Variants in SWT1 observed in about 807,000 individuals in gnomAD.
SWT1 encodes SWT1 RNA endoribonuclease homolog.
SWT1 carries 33 observed loss-of-function variants against 107.3 expected under a neutral mutation model. That is an observed-to-expected ratio of 0.31 (90% CI 0.23 to 0.41). The LOEUF (loss-of-function observed/expected upper bound fraction) is 0.41, where lower values mean the gene tolerates loss of function less well. SWT1 is among the 10% of genes least tolerant of loss of function. The pLI, the probability that SWT1 is intolerant of heterozygous loss-of-function variation, is 1.00. For synonymous variants in SWT1, 345 were observed against 348.3 expected (o/e 0.99, Z 0.11); for missense variants, 898 against 1,028.9 (o/e 0.87, Z 1.74).
chr1:185,166,762 T>A, intron 3 of SWT1, 110 bp downstream of exon 3: 1 of 689,424 alleles, frequency 1.5e-6, no homozygotes, highest in East Asian at 2.6e-5. Flanking sequence ...AGAAAGTCAG[T>A]GTTGTTTTCT....
intron 9 of SWT1, among the ~76,000 whole-genome samples, chr1:185,188,390 A>G (rs940676707): frequency 2.6e-5 from 4 of 152,212 alleles, no homozygotes; most frequent in African/African-American, 7.2e-5. Context: ...GTTTAAAGTT[A>G]ACTAATGATT....
At chr1:185,265,806 A>G (rs1167516014) in intron 16 of SWT1, among the ~76,000 whole-genome samples, 2 of 152,228 alleles carry the variant, frequency 1.3e-5, no homozygotes, top group Non-Finnish European at 2.9e-5. Context: ...GTGGTTCATA[A>G]TATTTAAACC....
chr1:185,276,063 G>A (rs1485300880), intron 17 of SWT1, among the ~76,000 whole-genome samples: 3 of 151,972 alleles, frequency 2.0e-5, no homozygotes, highest in Non-Finnish European at 4.4e-5. Context: ...ATATAAATAG[G>A]AATATTGTCT....
chr1:185,223,162 T>C (rs6673303), intron 15 of SWT1, among the ~76,000 whole-genome samples: 67,384 of 151,980 alleles, frequency 0.44, 16,375 homozygotes, highest in African/African-American at 0.66. Flanking sequence ...TTTACAAATC[T>C]CACTAACAGT....
At chr1:185,226,557 AAG>A (rs2102547909) in intron 15 of SWT1, among the ~76,000 whole-genome samples, 1 of 152,278 alleles carries the variant, frequency 6.6e-6, no homozygotes, top group Admixed American at 6.5e-5. Flanking sequence ...GCAACACAAC[AAG>A]ACCCTCTCTT....
At chr1:185,201,450 G>C (rs1352156697) in intron 10 of SWT1, among the ~76,000 whole-genome samples, 1 of 152,164 alleles carries the variant, frequency 6.6e-6, no homozygotes, top group Non-Finnish European at 1.5e-5. Flanking sequence ...GTCTGGGCCG[G>C]AGTGCACCGT....
intron 9 of SWT1, among the ~76,000 whole-genome samples, chr1:185,185,877 A>C (rs1444224154): frequency 6.6e-6 from 1 of 152,164 alleles, no homozygotes; most frequent in African/African-American, 2.4e-5. Context: ...TATAATGCTT[A>C]TGAATTTTGA....
rs981404544 is a variant in SWT1 at position 185,184,454 on chromosome 1, A to G, written c.1240+110A>G. 1.1e-5 allele frequency: 8 copies of G among 703,030 alleles called. No individual in the cohort carries two copies. In the African/African-American group the frequency reaches 1.3e-4, roughly 11 times the overall value. The allele number at this position is 703,030 out of a possible 1,614,324, so 43.5% of individuals were successfully genotyped here. On this transcript the variant is annotated intron_variant, in intron 8 of 18. Transcript: ENST00000367500. ...GAACATGTCTCCATTTAGATATGCT[A>G]TATATTAAGCATATTCAGTGTTATA...
chr1:185,245,288 A>G (rs1639370837), intron 16 of SWT1, among the ~76,000 whole-genome samples: 1 of 151,910 alleles, frequency 6.6e-6, no homozygotes, highest in African/African-American at 2.4e-5. Flanking sequence ...TACACGAAAC[A>G]TACACATTAC....
At chr1:185,231,442 A>T (rs1348702600) in intron 15 of SWT1, 135 bp from the exon 16 acceptor site, 2 of 695,746 alleles carry the variant, frequency 2.9e-6, no homozygotes, top group Non-Finnish European at 4.8e-6. Context: ...TTTTATTTCT[A>T]ATTTAAATAG....
At chr1:185,199,645 A>T (rs1167366840) in intron 10 of SWT1, among the ~76,000 whole-genome samples, 4 of 152,154 alleles carry the variant, frequency 2.6e-5, no homozygotes, top group Non-Finnish European at 5.9e-5. Flanking sequence ...CTTTGTGGGT[A>T]ACCCGACTTT....
chr1:185,255,456 T>G (rs1245159798), intron 16 of SWT1, among the ~76,000 whole-genome samples: 185 of 134,800 alleles, frequency 1.4e-3, no homozygotes, highest in Non-Finnish European at 1.7e-3. Context: ...TTATGAATCT[T>G]GGTGCTCCTG....
chr1:185,220,909 C>T (rs1425951406), intron 14 of SWT1, among the ~76,000 whole-genome samples: 1 of 152,216 alleles, frequency 6.6e-6, no homozygotes. Flanking sequence ...AATAGTATTT[C>T]CATCAATTCC....
chr1:185,235,509 G>T (rs1226144284), intron 16 of SWT1, among the ~76,000 whole-genome samples: 1 of 152,124 alleles, frequency 6.6e-6, no homozygotes, highest in Admixed American at 6.6e-5. Context: ...ACAAAATTCA[G>T]CAGCCCTTCA....
At chr1:185,166,444 AT>A in intron 2 of SWT1, 127 bp from the exon 3 acceptor site, 1 of 596,692 alleles carries the variant, frequency 1.7e-6, no homozygotes. Context: ...ATCTGTAAAC[AT>A]TGTTCCCCAC....
At chr1:185,281,566 A>G in intron 18 of SWT1, 1 of 244,584 alleles carries the variant, frequency 4.1e-6, no homozygotes, top group Non-Finnish European at 8.3e-6. Flanking sequence ...ACCTGCTGCC[A>G]GATGTCAGCC....
intron 16 of SWT1, among the ~76,000 whole-genome samples, chr1:185,269,104 A>G (rs1215801660): frequency 6.6e-5 from 10 of 152,132 alleles, no homozygotes; most frequent in African/African-American, 2.2e-4. Flanking sequence ...TGCCCGCCTC[A>G]GCCTCCCAAA....
chr1:185,223,427 T>C (rs923111311), intron 15 of SWT1, among the ~76,000 whole-genome samples: 2 of 152,102 alleles, frequency 1.3e-5, no homozygotes, highest in Non-Finnish European at 2.9e-5. Flanking sequence ...GCTTAAGCAG[T>C]CCTCTTGCCT....
chr1:185,214,908 G>T (rs192022368), intron 14 of SWT1, among the ~76,000 whole-genome samples: 33 of 152,272 alleles, frequency 2.2e-4, no homozygotes, highest in Middle Eastern at 3.4e-3. Flanking sequence ...ATGGATGGAA[G>T]AAAGCTATGC....
Sources: allele counts gnomAD v4.1 joint callset (sites outside exome capture counted in the v4.1 genomes callset), GRCh38; gene constraint gnomAD v4.1.1; transcripts MANE v1.5; gene names NCBI Gene and HGNC (gene_info 2026-07-23, HGNC 2026-07-21).